SEMA6D: variants seen among roughly 807,000 people sequenced by gnomAD.
The protein encoded by SEMA6D is semaphorin-6D.
In SEMA6D, 35 loss-of-function variants were observed where a neutral mutation model predicts 106.6. The observed-to-expected ratio is 0.33, with a 90% CI of 0.25 to 0.44. The LOEUF (loss-of-function observed/expected upper bound fraction) is 0.44, where lower values mean the gene tolerates loss of function less well. Among genes scored for constraint, SEMA6D ranks in the 20% least tolerant of loss-of-function variants. The probability of loss-of-function intolerance (pLI) is 1.00; values close to 1 mark genes in which losing one functional copy is unlikely to be tolerated. For synonymous variants in SEMA6D, 499 were observed against 487.7 expected (o/e 1.02, Z -0.31); for missense variants, 1,185 against 1,345.9 (o/e 0.88, Z 1.87).
At chr15:47,719,795 A>ATAAATCCC (rs1487945608) in intron 1 of SEMA6D, among the ~76,000 whole-genome samples, 14 of 152,370 alleles carry the variant, frequency 9.2e-5, no homozygotes, top group African/African-American at 3.4e-4. Flanking sequence ...CTGTTAAAAA[A>ATAAATCCC]TAAATCCCCT....
chr15:47,328,791 A>G (rs1444585227), intron 1 of SEMA6D, among the ~76,000 whole-genome samples: 1 of 152,202 alleles, frequency 6.6e-6, no homozygotes. Context: ...AAGGAAAGAA[A>G]TGGCCCACCA....
intron 1 of SEMA6D, among the ~76,000 whole-genome samples, chr15:47,200,901 A>G (rs565490470): frequency 4.6e-5 from 7 of 152,352 alleles, no homozygotes; most frequent in South Asian, 2.1e-4. Context: ...TACCAAAACA[A>G]TATGATGACT....
intron 1 of SEMA6D, among the ~76,000 whole-genome samples, chr15:47,364,933 C>A (rs1432501111): frequency 5.9e-5 from 9 of 152,028 alleles, no homozygotes; most frequent in African/African-American, 2.2e-4. Flanking sequence ...CACAAAAGAT[C>A]AAAAGAAAAG....
chr15:47,315,056 C>T (rs1429011386), intron 1 of SEMA6D, among the ~76,000 whole-genome samples: 2 of 151,084 alleles, frequency 1.3e-5, no homozygotes, highest in African/African-American at 2.4e-5. Flanking sequence ...TTAGTAGAGA[C>T]GGGGTTTCAC....
At position 47,764,147 on chromosome 15, in the gene SEMA6D, C is replaced by G. The variant is rs776197376; in HGVS notation, c.966-27C>G. The G allele has an allele frequency of 4.3e-6, 7 of 1,613,138 alleles. No homozygotes were observed. In the East Asian group the frequency reaches 1.6e-4, roughly 36 times the overall value. Reference sequence around the variant, plus strand: ...AAGACAGGCTTCATGTCGCCAGCCTCTTCCTGATGATTTTCTTCCTTTTCA... The same window carrying G: ...AAGACAGGCTTCATGTCGCCAGCCTGTTCCTGATGATTTTCTTCCTTTTCA... On this transcript the variant is annotated intron_variant, in intron 10 of 18. Transcript: ENST00000536845.
At chr15:47,278,220 G>A (rs1352350374) in intron 1 of SEMA6D, among the ~76,000 whole-genome samples, 5 of 152,120 alleles carry the variant, frequency 3.3e-5, no homozygotes, top group African/African-American at 1.2e-4. Context: ...CTAGTTTACA[G>A]TCCCACCAAC....
chr15:47,759,205 C>T (rs1440995722), intron 1 of SEMA6D, among the ~76,000 whole-genome samples: 1 of 152,058 alleles, frequency 6.6e-6, no homozygotes, highest in Non-Finnish European at 1.5e-5. Flanking sequence ...GGGAAATACT[C>T]GACTTAAGAA....
intron 3 of SEMA6D, among the ~76,000 whole-genome samples, chr15:47,476,495 A>G (rs1289240937): frequency 1.3e-5 from 2 of 152,108 alleles, no homozygotes; most frequent in Non-Finnish European, 2.9e-5. Flanking sequence ...ATTATGTACT[A>G]TTTCTTCCAC....
At chr15:47,525,801 G>A (rs965301492) in intron 3 of SEMA6D, among the ~76,000 whole-genome samples, 3 of 152,202 alleles carry the variant, frequency 2.0e-5, no homozygotes, top group Non-Finnish European at 4.4e-5. Context: ...AGGGAGCCTT[G>A]CAGGGGTCTC....
At chr15:47,615,739 A>C (rs976405661) in intron 4 of SEMA6D, among the ~76,000 whole-genome samples, 30 of 152,228 alleles carry the variant, frequency 2.0e-4, no homozygotes, top group Non-Finnish European at 1.0e-4. Context: ...CATAAGAAGG[A>C]AATTCTATTT....
chr15:47,484,053 G>A (rs2043225613), intron 3 of SEMA6D, among the ~76,000 whole-genome samples: 1 of 152,114 alleles, frequency 6.6e-6, no homozygotes, highest in South Asian at 2.1e-4. Flanking sequence ...CCAAACTGCA[G>A]GTTGCCTGCT....
rs533727578 is a variant in SEMA6D, at chr15:47,248,295, C to G, written c.-239+63877C>G. Among the ~76,000 whole-genome samples, 10 of 152,200 alleles carry G rather than the reference C, an allele frequency of 6.6e-5. No homozygotes were observed. The East Asian group carries it at 1.9e-3, about 29-fold the overall frequency. On this transcript the variant is annotated intron_variant, in intron 1 of 19. Coordinates refer to the SEMA6D transcript ENST00000558014. Reference sequence around the variant, plus strand: ...TTCAGGAAAGACAACAGCTATTATCCAACAAAGCATTGTATCTCATTATCA... The same window carrying G: ...TTCAGGAAAGACAACAGCTATTATCGAACAAAGCATTGTATCTCATTATCA...
At chr15:47,704,990 C>G (rs185507034) in intron 4 of SEMA6D, among the ~76,000 whole-genome samples, 11 of 152,230 alleles carry the variant, frequency 7.2e-5, no homozygotes, top group East Asian at 5.8e-4. Flanking sequence ...AAAATACATT[C>G]ACTTTTCTGG....
At chr15:47,259,997 GTTT>G (rs201793716) in intron 1 of SEMA6D, among the ~76,000 whole-genome samples, 2 of 143,364 alleles carry the variant, frequency 1.4e-5, no homozygotes, top group Admixed American at 1.4e-4. Context: ...CATTTAGCAT[GTTT>G]TTTTTTTTCC....
intron 2 of SEMA6D, among the ~76,000 whole-genome samples, chr15:47,418,805 A>G (rs1595948322): frequency 6.6e-6 from 1 of 152,148 alleles, no homozygotes; most frequent in Non-Finnish European, 1.5e-5. Flanking sequence ...GACTAAGAGC[A>G]CAAAGAACTT....
intron 4 of SEMA6D, among the ~76,000 whole-genome samples, chr15:47,624,210 A>G (rs1471806885): frequency 6.6e-6 from 1 of 152,130 alleles, no homozygotes; most frequent in Non-Finnish European, 1.5e-5. Context: ...CTCAGCATAG[A>G]CACTGCGTGT....
chr15:47,226,391 A>G (rs566485862), intron 1 of SEMA6D, among the ~76,000 whole-genome samples: 1 of 152,190 alleles, frequency 6.6e-6, no homozygotes, highest in African/African-American at 2.4e-5. Context: ...GCAATTATCT[A>G]TGCAGATTTA....
intron 3 of SEMA6D, among the ~76,000 whole-genome samples, chr15:47,472,827 A>G (rs1482312198): frequency 6.6e-6 from 1 of 152,196 alleles, no homozygotes; most frequent in African/African-American, 2.4e-5. Flanking sequence ...TCTGAAGTCT[A>G]AGGTAGGAGG....
chr15:47,287,462 C>T (rs1297080463), intron 1 of SEMA6D, among the ~76,000 whole-genome samples: 2 of 152,154 alleles, frequency 1.3e-5, no homozygotes, highest in Non-Finnish European at 2.9e-5. Flanking sequence ...TCTAATAACT[C>T]CAGCTGACTC....
Sources: gnomAD v4.1 joint callset for allele counts (sites outside exome capture counted in the v4.1 genomes callset) on GRCh38, gnomAD v4.1.1 for gene constraint, MANE v1.5 for transcripts, NCBI Gene and HGNC (gene_info 2026-07-23, HGNC 2026-07-21) for gene names.